Variants in SNCAIP observed in about 807,000 individuals in gnomAD.
The protein encoded by SNCAIP is synuclein alpha interacting protein.
SNCAIP carries 43 observed loss-of-function variants against 86.7 expected under a neutral mutation model. That is an observed-to-expected ratio of 0.50 (90% CI 0.39 to 0.64). The LOEUF (loss-of-function observed/expected upper bound fraction) is 0.64. SNCAIP is among the 30% of genes least tolerant of loss of function. The pLI is 0.00. For synonymous variants in SNCAIP, 417 were observed against 427.2 expected, an observed-to-expected ratio of 0.98 and a Z score of 0.29; for missense variants, 981 against 1,103.1, an observed-to-expected ratio of 0.89 and a Z score of 1.57.
intron 7 of SNCAIP, 157 bp from the exon 8 acceptor site, chr5:122,444,406 C>T (rs1034920641): frequency 1.4e-6 from 1 of 729,904 alleles, no homozygotes; most frequent in African/African-American, 1.7e-5. Flanking sequence ...AGGACTGGCT[C>T]TGCTACATCA....
intron 6 of SNCAIP, among the ~76,000 whole-genome samples, chr5:122,435,414 GCT>G (rs1779209297): frequency 6.6e-6 from 1 of 152,176 alleles, no homozygotes; most frequent in Non-Finnish European, 1.5e-5. Flanking sequence ...TCCCAGCACA[GCT>G]TCCTGCCCTC....
At chr5:122,359,349 T>TTATTTA (rs1554085982) in intron 1 of SNCAIP, among the ~76,000 whole-genome samples, 1 of 142,182 alleles carries the variant, frequency 7.0e-6, no homozygotes, top group Non-Finnish European at 1.5e-5. Flanking sequence ...AGATTTTTAT[T>TTATTTA]TTTATTTATT....
intron 2 of SNCAIP, among the ~76,000 whole-genome samples, chr5:122,400,644 G>T (rs527933225): frequency 6.6e-6 from 1 of 152,346 alleles, no homozygotes; most frequent in East Asian, 1.9e-4. Flanking sequence ...TGGAGAAGCA[G>T]AACACAGCTG....
intron 3 of SNCAIP, among the ~76,000 whole-genome samples, chr5:122,417,733 C>T (rs547064033): frequency 5.9e-5 from 9 of 152,124 alleles, no homozygotes; most frequent in African/African-American, 1.4e-4. Context: ...TCCTTCCCTC[C>T]CCACCTCCCC....
chr5:122,444,594 T>G lies in SNCAIP; in HGVS notation c.1454T>G (p.Met485Arg), dbSNP rs753209695. Residue 485 changes from methionine (M) to arginine (R), a missense_variant, in exon 8 of 11, where the codon ATG becomes AGG. Transcript: ENST00000261368. ...TLVEYGANVT[M>R]QNHAGEKPSQ... ...GTTGAATATGGAGCAAATGTCACCA[T>G]GCAGAACCACGCTGGGGAAAAGCCC... The G allele has an allele frequency of 5.0e-6, 8 of 1,614,186 alleles. No individual in the cohort carries two copies. The highest frequency in any genetic ancestry group is 1.3e-5 in the African/African-American group (1 of 75,052).
intron 6 of SNCAIP, chr5:122,436,351 C>T (rs1382728755): frequency 6.6e-6 from 1 of 152,094 alleles, no homozygotes; most frequent in East Asian, 1.9e-4. Context: ...ATACTAGGCA[C>T]TAGATGAATG....
intron 1 of SNCAIP, among the ~76,000 whole-genome samples, chr5:122,354,054 G>T (rs575032474): frequency 1.3e-5 from 2 of 152,244 alleles, no homozygotes; most frequent in East Asian, 3.9e-4. Flanking sequence ...TCTCAGACAT[G>T]GAGCAGATGC....
At position 122,444,643 on chromosome 5, in the gene SNCAIP, G is replaced by T; in HGVS notation, c.1503G>T (p.Gly501=). ...CCTCCCAGAGCGCCGAGCGGCAGGG[G>T]CACACCCTGTGCTCCAGGTACCTGG... ...EKPSQSAERQ[G]HTLCSRYLVV... The change falls in exon 8 of 11, where the codon GGG becomes GGT. Residue 501 remains glycine (G), a synonymous_variant. Transcript: ENST00000261368. 2 of 1,614,012 alleles carry T rather than the reference G, an allele frequency of 1.2e-6. No homozygotes were observed. Among genetic ancestry groups the T allele is most frequent in the South Asian group, 1.1e-5 (1 of 91,084 alleles).
chr5:122,417,532 A>G (rs950347813), intron 3 of SNCAIP, among the ~76,000 whole-genome samples: 20 of 152,342 alleles, frequency 1.3e-4, no homozygotes, highest in Admixed American at 1.3e-4. Flanking sequence ...TACTAACACT[A>G]TCTTTGAAAG....
chr5:122,433,027 A>G (rs1285684416), intron 6 of SNCAIP, among the ~76,000 whole-genome samples: 1 of 152,058 alleles, frequency 6.6e-6, no homozygotes, highest in Non-Finnish European at 1.5e-5. Context: ...CAAGTTCAAA[A>G]AGTAGACAAC....
Position 122,451,264 on chromosome 5 carries a change from G to T in SNCAIP, c.2417G>T (p.Arg806Leu), listed in dbSNP as rs140850272. 4.3e-6 allele frequency: 7 copies of T among 1,614,104 alleles called. No individual in the cohort carries two copies. Among genetic ancestry groups the T allele is most frequent in the Admixed American group, 1.7e-5 (1 of 60,008 alleles). ...KSALKSPSSK[R>L]RTSQNLKLRV... Reference sequence around the variant, plus strand: ...GCCCTCAAGTCTCCATCTTCCAAGCGTAGGACATCTCAGAACTTAAAACTG... The same window carrying T: ...GCCCTCAAGTCTCCATCTTCCAAGCTTAGGACATCTCAGAACTTAAAACTG... The change falls in exon 10 of 11, where the codon CGT (arginine) becomes CTT (leucine). Residue 806 changes from arginine (R) to leucine (L), a missense_variant. Arg to Leu is a moderately radical substitution (Grantham distance 102). Coordinates refer to ENST00000261368, the MANE Select transcript of SNCAIP (RefSeq NM_005460.4).
chr5:122,378,089 G>A (rs1345776021), intron 1 of SNCAIP, among the ~76,000 whole-genome samples: 4 of 147,256 alleles, frequency 2.7e-5, no homozygotes, highest in African/African-American at 7.6e-5. Context: ...GGTATTTCTA[G>A]TTCTAGATCC....
intron 1 of SNCAIP, among the ~76,000 whole-genome samples, chr5:122,354,478 G>C (rs1037283624): frequency 2.0e-5 from 3 of 152,134 alleles, no homozygotes; most frequent in South Asian, 2.1e-4. Flanking sequence ...TCCCAGGCTT[G>C]TCATTTGATC....
intron 1 of SNCAIP, 111 bp from the exon 2 acceptor site, chr5:122,390,978 C>T: frequency 3.0e-6 from 2 of 665,260 alleles, no homozygotes; most frequent in Non-Finnish European, 5.4e-6. Flanking sequence ...TCCAAGGCAA[C>T]ACTAGCACCC....
chr5:122,388,450 A>C (rs1323363835), intron 1 of SNCAIP: 1 of 152,352 alleles, frequency 6.6e-6, no homozygotes, highest in Non-Finnish European at 1.5e-5. Context: ...AGGTGTCAGA[A>C]GAGCAGGATG....
chr5:122,446,967 G>A (rs954424865), intron 8 of SNCAIP, among the ~76,000 whole-genome samples: 1 of 152,220 alleles, frequency 6.6e-6, no homozygotes, highest in African/African-American at 2.4e-5. Context: ...AAGTATGTTA[G>A]ATTGTGACCT....
At chr5:122,415,512 T>C (rs1483607455) in intron 3 of SNCAIP, among the ~76,000 whole-genome samples, 1 of 152,242 alleles carries the variant, frequency 6.6e-6, no homozygotes, top group Non-Finnish European at 1.5e-5. Context: ...AATTTTCTAA[T>C]GTGGACACAT....
chr5:122,375,061 T>C (rs935405364), intron 1 of SNCAIP, among the ~76,000 whole-genome samples: 1 of 152,152 alleles, frequency 6.6e-6, no homozygotes, highest in African/African-American at 2.4e-5. Context: ...GAATTAGTAC[T>C]TGCTAAGTCA....
intron 1 of SNCAIP, among the ~76,000 whole-genome samples, chr5:122,356,985 A>C (rs536312079): frequency 2.0e-5 from 3 of 152,274 alleles, no homozygotes; most frequent in African/African-American, 7.2e-5. Flanking sequence ...TGTGCATCAC[A>C]GTAAATTCCA....
Sources: allele counts gnomAD v4.1 joint callset (sites outside exome capture counted in the v4.1 genomes callset), GRCh38; gene constraint gnomAD v4.1.1; transcripts MANE v1.5; gene names NCBI Gene and HGNC (gene_info 2026-07-23, HGNC 2026-07-21).